The following DNAH14 variants were observed in gnomAD, a reference collection of about 807,000 sequenced individuals.
DNAH14 encodes the protein dynein axonemal heavy chain 14.
A neutral mutation model predicts 520.9 loss-of-function variants in DNAH14; 478 were observed. That is an observed-to-expected ratio of 0.92 (90% confidence interval 0.85 to 0.99). DNAH14 has a LOEUF of 0.99. DNAH14 is among the 50% of genes least tolerant of loss of function. The pLI, the probability that DNAH14 is intolerant of heterozygous loss-of-function variation, is 0.00. For missense variants in DNAH14, 4,831 were observed against 5,234.5 expected, an observed-to-expected ratio of 0.92 and a Z score of 2.38; for synonymous variants, 1,581 against 1,757.2, an observed-to-expected ratio of 0.90 and a Z score of 2.51.
chr1:225,206,989 G>C lies in DNAH14; in HGVS notation c.6208G>C (p.Glu2070Gln). ...VYMDPVDLGWEPYVKSWLLKT... is the reference protein window; with the variant it reads ...VYMDPVDLGWQPYVKSWLLKT... Reference sequence around the variant, plus strand: ...TTAGGATCCTGTTGATCTGGGATGGGAACCTTATGTTAAGTCATGGCTTCT... The same window carrying C: ...TTAGGATCCTGTTGATCTGGGATGGCAACCTTATGTTAAGTCATGGCTTCT... The change falls in exon 41 of 86, where the codon GAA becomes CAA. Residue 2070 changes from glutamate (E) to glutamine (Q), a missense_variant. Physicochemically the swap from Glu to Gln is conservative, Grantham distance 29. Coordinates refer to ENST00000682510, the MANE Select transcript of DNAH14 (RefSeq NM_001367479.1). 6.6e-7 allele frequency: 1 copy of C among 1,521,184 alleles called. No homozygotes were observed. Among genetic ancestry groups the C allele is most frequent in the African/African-American group, 1.4e-5 (1 of 71,438 alleles). The allele number at this position is 1,521,184 out of a possible 1,614,324, so 94.2% of individuals were successfully genotyped here. A position where few individuals can be genotyped will look rare whatever the true frequency, so the allele number is the denominator to read the frequency against.
chr1:225,201,897 C>T (rs1175916506), intron 38 of DNAH14, among the ~76,000 whole-genome samples: 10 of 104,280 alleles, frequency 9.6e-5, no homozygotes, highest in African/African-American at 1.6e-4. Flanking sequence ...TTTTTTGAGA[C>T]GAAGTCTTCC....
At chr1:225,303,061 A>G in intron 56 of DNAH14, 95 bp from the exon 57 acceptor site, 1 of 977,892 alleles carries the variant, frequency 1.0e-6, no homozygotes, top group Non-Finnish European at 1.5e-6. Context: ...CACTAAGGAA[A>G]GATCTGAAAT....
At chr1:225,186,412 TA>T (rs1481817914) in intron 37 of DNAH14, among the ~76,000 whole-genome samples, 1 of 151,978 alleles carries the variant, frequency 6.6e-6, no homozygotes, top group East Asian at 1.9e-4. Context: ...ATGGACTACC[TA>T]AAAAGGTCCA....
intron 17 of DNAH14, among the ~76,000 whole-genome samples, chr1:225,075,325 A>T (rs2072126584): frequency 6.6e-6 from 1 of 152,014 alleles, no homozygotes; most frequent in African/African-American, 2.4e-5. Context: ...TTCCTTTATT[A>T]GTCCCAATGC....
At chr1:225,074,777 G>A (rs3105554) in intron 17 of DNAH14, among the ~76,000 whole-genome samples, 121,334 of 152,182 alleles carry the variant, frequency 0.8, 51,749 homozygotes, top group Non-Finnish European at 0.96. Context: ...AGGCTATAGT[G>A]GCTAAGTTGC....
chr1:225,044,540 TG>T (rs955101606), intron 15 of DNAH14, among the ~76,000 whole-genome samples: 7 of 152,256 alleles, frequency 4.6e-5, no homozygotes, highest in African/African-American at 1.7e-4. Flanking sequence ...TGGTGTCTAA[TG>T]CATTGTTTGA....
chr1:225,057,096 G>C (rs1235070417), intron 17 of DNAH14, among the ~76,000 whole-genome samples: 3 of 152,164 alleles, frequency 2.0e-5, no homozygotes, highest in African/African-American at 7.2e-5. Context: ...GATGGGGATG[G>C]CATTGAATCT....
chr1:225,080,364 A>C lies in DNAH14; in HGVS notation c.2767-15A>C. The stretch of plus-strand genomic sequence containing the variant: ...ATACTGATTTCTCTTAGAAAGTCCT[A>C]CTCTTATTTTTTAGATAAGAACTCC... On this transcript the variant is annotated splice_polypyrimidine_tract_variant and intron_variant, in intron 18 of 85. Transcript: ENST00000682510. 6.6e-7 allele frequency: 1 copy of C among 1,505,476 alleles called. No homozygotes were observed. The highest frequency in any genetic ancestry group is 8.9e-7 in the Non-Finnish European group (1 of 1,127,308). The allele number at this position is 1,505,476 out of a possible 1,614,324, so 93.3% of individuals were successfully genotyped here. A position where few individuals can be genotyped will look rare whatever the true frequency, so the allele number is the denominator to read the frequency against.
intron 1 of DNAH14, among the ~76,000 whole-genome samples, chr1:224,942,137 T>G (rs2059463316): frequency 6.6e-6 from 1 of 152,242 alleles, no homozygotes; most frequent in South Asian, 2.1e-4. Context: ...TTTCTACCCA[T>G]GAGCATGGAA....
At chr1:224,999,391 A>T (rs2063602531) in intron 8 of DNAH14, among the ~76,000 whole-genome samples, 1 of 151,942 alleles carries the variant, frequency 6.6e-6, no homozygotes, top group African/African-American at 2.4e-5. Context: ...TTTTTAGTAG[A>T]GATGGGGTTC....
intron 84 of DNAH14, among the ~76,000 whole-genome samples, chr1:225,395,018 A>G (rs2095986635): frequency 6.6e-6 from 1 of 152,062 alleles, no homozygotes; most frequent in Non-Finnish European, 1.5e-5. Flanking sequence ...GCCTGTTTCT[A>G]TTGAAATAAT....
intron 8 of DNAH14, among the ~76,000 whole-genome samples, chr1:224,982,035 T>C (rs2062309849): frequency 6.6e-6 from 1 of 152,188 alleles, no homozygotes; most frequent in African/African-American, 2.4e-5. Context: ...CAGTTAAGTC[T>C]GTTTACCCTA....
At chr1:225,141,130 G>A (rs1341919821) in intron 28 of DNAH14, 109 bp downstream of exon 28, 11 of 1,112,142 alleles carry the variant, frequency 9.9e-6, no homozygotes, top group Non-Finnish European at 1.4e-5. Context: ...TAATTTTGGG[G>A]GCTTTACCAA....
At chr1:225,272,471 T>C (rs2093340568) in intron 51 of DNAH14, among the ~76,000 whole-genome samples, 3 of 152,200 alleles carry the variant, frequency 2.0e-5, no homozygotes, top group Admixed American at 1.3e-4. Flanking sequence ...CATGGCCAAA[T>C]AATTTTCAAA....
chr1:225,344,228 T>C (rs2095249308), intron 69 of DNAH14, among the ~76,000 whole-genome samples: 1 of 152,062 alleles, frequency 6.6e-6, no homozygotes, highest in Admixed American at 6.6e-5. Context: ...CTGGGCTTTT[T>C]TTTTTTTTTA....
At chr1:225,194,472 C>CT (rs148484288) in intron 38 of DNAH14, among the ~76,000 whole-genome samples, 5,338 of 152,172 alleles carry the variant, frequency 0.035, 294 homozygotes, top group African/African-American at 0.12. Context: ...GGATACCTGG[C>CT]TAGATGTATG....
At chr1:225,380,822 T>G (rs1558583132) in intron 80 of DNAH14, among the ~76,000 whole-genome samples, 1 of 152,102 alleles carries the variant, frequency 6.6e-6, no homozygotes, top group Non-Finnish European at 1.5e-5. Flanking sequence ...CCAGTTAAAT[T>G]TTAATACCCA....
chr1:224,988,922 A>T (rs531134596), intron 8 of DNAH14, among the ~76,000 whole-genome samples: 2 of 152,176 alleles, frequency 1.3e-5, no homozygotes, highest in African/African-American at 4.8e-5. Context: ...GGTGTGATCC[A>T]CTGTGCCCAG....
chr1:225,335,521 A>ATATGTACATATATACG lies in DNAH14; in HGVS notation c.10081-1742_10081-1741insGTACATATATACGTAT, dbSNP rs1553335819. On this transcript the variant is annotated intron_variant, in intron 66 of 85. Coordinates refer to ENST00000682510, the MANE Select transcript of DNAH14 (RefSeq NM_001367479.1). ...TACATGTACACATATACATATGTAC[A>ATATGTACATATATACG]TATATACATATGTACATATATACGT... Among the ~76,000 whole-genome samples the ATATGTACATATATACG allele has an allele frequency of 2.5e-3, 297 of 119,832 alleles. 78 individuals carry two copies. Among genetic ancestry groups the ATATGTACATATATACG allele is most frequent in the African/African-American group, 0.01 (290 of 27,732 alleles). 78.6% of individuals were successfully genotyped at this position (119,832 alleles called of 152,430 possible).
Sources: allele counts gnomAD v4.1 joint callset (sites outside exome capture counted in the v4.1 genomes callset), GRCh38; gene constraint gnomAD v4.1.1; transcripts MANE v1.5; gene names NCBI Gene and HGNC (gene_info 2026-07-23, HGNC 2026-07-21).